The following RHCE variants were observed in gnomAD, a reference collection of about 807,000 sequenced individuals.
RHCE encodes the protein blood group Rh(CE) polypeptide.
In RHCE, 22 loss-of-function variants were observed where a neutral mutation model predicts 43.8. That is an observed-to-expected ratio of 0.50 (90% CI 0.36 to 0.72). RHCE has a LOEUF of 0.72. RHCE is among the 30% of genes least tolerant of loss of function. The pLI, the probability that RHCE is intolerant of heterozygous loss-of-function variation, is 0.00. For missense variants in RHCE, 385 were observed against 525.4 expected (o/e 0.73, Z 2.61); for synonymous variants, 156 against 210.7 (o/e 0.74, Z 2.25).
At chr1:25,380,613 T>C in intron 7 of RHCE, among the ~76,000 whole-genome samples, 1 of 152,228 alleles carries the variant, frequency 6.6e-6, no homozygotes, top group East Asian at 1.9e-4. Context: ...TAGTGCCATG[T>C]GTATGCTGCC....
intron 5 of RHCE, among the ~76,000 whole-genome samples, chr1:25,389,749 C>T (rs1304297194): frequency 6.6e-6 from 1 of 152,078 alleles, no homozygotes; most frequent in Non-Finnish European, 1.5e-5. Context: ...GTGCCTGTGC[C>T]ACCCTGTGTG....
At chr1:25,405,509 C>T (rs986359582) in intron 2 of RHCE, among the ~76,000 whole-genome samples, 1 of 151,818 alleles carries the variant, frequency 6.6e-6, no homozygotes, top group African/African-American at 2.4e-5. Context: ...AAAAATTAGC[C>T]GGGCATGGTA....
At chr1:25,423,346 G>A (rs1005653208), upstream of RHCE, among the ~76,000 whole-genome samples, 56 of 152,320 alleles carry the variant, frequency 3.7e-4, no homozygotes, top group African/African-American at 1.3e-3. Flanking sequence ...CTACCTACCC[G>A]AGGGCACCAG....
intron 7 of RHCE, among the ~76,000 whole-genome samples, chr1:25,376,247 G>T (rs1645783228): frequency 6.6e-6 from 1 of 152,138 alleles, no homozygotes; most frequent in Non-Finnish European, 1.5e-5. Flanking sequence ...GCAACCCCAG[G>T]GGTTCAATTC....
intron 2 of RHCE, among the ~76,000 whole-genome samples, chr1:25,405,435 T>G (rs970397637): frequency 6.6e-6 from 1 of 152,170 alleles, no homozygotes; most frequent in Non-Finnish European, 1.5e-5. Flanking sequence ...GGTGGATCAC[T>G]TGAGGTCAGG....
chr1:25,422,058 AC>A (rs1221883445), upstream of RHCE, among the ~76,000 whole-genome samples: 1 of 152,178 alleles, frequency 6.6e-6, no homozygotes, highest in African/African-American at 2.4e-5. Flanking sequence ...GATTTTAATC[AC>A]CCAGTCGAAT....
chr1:25,400,951 A>C (rs1646719228), intron 3 of RHCE, among the ~76,000 whole-genome samples: 1 of 152,070 alleles, frequency 6.6e-6, no homozygotes, highest in South Asian at 2.1e-4. Context: ...CACCACCCTC[A>C]CAGCTATTGT....
chr1:25,402,010 G>T (rs1646762899), intron 3 of RHCE, among the ~76,000 whole-genome samples: 1 of 152,062 alleles, frequency 6.6e-6, no homozygotes, highest in Non-Finnish European at 1.5e-5. Context: ...CTGAGTAGCT[G>T]GGATTACAGG....
At chr1:25,388,072 G>A (rs1464585053) in intron 6 of RHCE, among the ~76,000 whole-genome samples, 1 of 151,350 alleles carries the variant, frequency 6.6e-6, no homozygotes, top group African/African-American at 2.4e-5. Context: ...GCCCGCCTCG[G>A]CCTCCCAAAG....
chr1:25,378,117 A>T (rs1645842557), intron 7 of RHCE, among the ~76,000 whole-genome samples: 1 of 152,208 alleles, frequency 6.6e-6, no homozygotes, highest in African/African-American at 2.4e-5. Flanking sequence ...ATCAAAATGT[A>T]AAAAATAGGT....
Position 25,408,844 on chromosome 1 carries a change from C to A in RHCE, c.174G>T (p.Ala58=), listed in dbSNP as rs376364569. ...AGGTGAGGAAGCCCAAGCCAAGGGC[C>A]GCCATCACGGTCAGATCTTGGCCGA... ...YQVGQDLTVM[A]ALGLGFLTSN... is the part of the protein sequence containing the mutation. Residue 58 remains alanine (A), a synonymous_variant, in exon 2 of 10, where the codon GCG becomes GCT. Transcript: ENST00000294413. 3 of 1,282,998 alleles carry A rather than the reference C, an allele frequency of 2.3e-6. No homozygotes were observed. In the African/African-American group the frequency reaches 4.1e-5, roughly 18 times the overall value. 79.5% of individuals were successfully genotyped at this position (1,282,998 alleles called of 1,614,324 possible).
chr1:25,391,810 A>G (rs1249722022), intron 4 of RHCE, among the ~76,000 whole-genome samples, 184 bp downstream of exon 4: 1 of 152,280 alleles, frequency 6.6e-6, no homozygotes, highest in East Asian at 1.9e-4. Flanking sequence ...GAGGTCCCTA[A>G]AAGGAAGTGC....
chr1:25,382,646 G>C (rs1344369033), intron 7 of RHCE, among the ~76,000 whole-genome samples: 1 of 152,028 alleles, frequency 6.6e-6, no homozygotes. Context: ...CCTCACAGCA[G>C]CCCTGTGAGT....
chr1:25,408,509 CA>C (rs1450493431), intron 2 of RHCE, among the ~76,000 whole-genome samples, 173 bp downstream of exon 2: 1 of 122,904 alleles, frequency 8.1e-6, no homozygotes, highest in African/African-American at 2.5e-5. Flanking sequence ...ACAGGATGCC[CA>C]GTTAAATTTG....
At chr1:25,391,153 C>A (rs1646348489) in intron 4 of RHCE, among the ~76,000 whole-genome samples, 1 of 152,146 alleles carries the variant, frequency 6.6e-6, no homozygotes. Flanking sequence ...CCTCCTGAAC[C>A]TGCTCTGTGA....
chr1:25,405,524 G>A (rs1646889685), intron 2 of RHCE, among the ~76,000 whole-genome samples: 1 of 151,598 alleles, frequency 6.6e-6, no homozygotes, highest in Non-Finnish European at 1.5e-5. Flanking sequence ...ATGGTAGCAG[G>A]CGTCTGTAAA....
intron 2 of RHCE, among the ~76,000 whole-genome samples, chr1:25,427,955 C>A (rs1221330404): frequency 6.6e-6 from 1 of 152,206 alleles, no homozygotes; most frequent in East Asian, 1.9e-4. Context: ...GGAACTTAGA[C>A]CTCCAGACCT....
intron 2 of RHCE, among the ~76,000 whole-genome samples, chr1:25,406,629 G>C (rs1271781430): frequency 1.1e-5 from 1 of 92,734 alleles, no homozygotes; most frequent in Non-Finnish European, 2.2e-5. Flanking sequence ...TGTTGTTTTT[G>C]GTTTTTTTTT....
At chr1:25,396,606 G>A (rs1250825510) in intron 3 of RHCE, among the ~76,000 whole-genome samples, 6 of 152,240 alleles carry the variant, frequency 3.9e-5, no homozygotes, top group African/African-American at 1.2e-4. Flanking sequence ...CACATCTTAC[G>A]TGGTGGCAGG....
Sources: gnomAD v4.1 joint callset for allele counts (sites outside exome capture counted in the v4.1 genomes callset) on GRCh38, gnomAD v4.1.1 for gene constraint, MANE v1.5 for transcripts, NCBI Gene and HGNC (gene_info 2026-07-23, HGNC 2026-07-21) for gene names.